The following ASCC3 variants were observed in gnomAD, a reference collection of about 807,000 sequenced individuals.
The protein encoded by ASCC3 is activating signal cointegrator 1 complex subunit 3.
A neutral mutation model predicts 256.3 loss-of-function variants in ASCC3; 158 were observed. The ratio of observed to expected loss-of-function variants is 0.62; its 90% CI spans 0.54 to 0.70. The LOEUF (loss-of-function observed/expected upper bound fraction) is 0.70. ASCC3 is among the 30% of genes least tolerant of loss of function. The pLI is 0.00. For synonymous variants in ASCC3, 948 were observed against 883.4 expected (o/e 1.07, Z -1.30); for missense variants, 2,259 against 2,626.0 (o/e 0.86, Z 3.05).
At chr6:100,719,549 A>C (rs1779227205) in intron 11 of ASCC3, among the ~76,000 whole-genome samples, 1 of 152,110 alleles carries the variant, frequency 6.6e-6, no homozygotes, top group Non-Finnish European at 1.5e-5. Context: ...TCTGCTAAAA[A>C]TCCACTTTAA....
intron 36 of ASCC3, among the ~76,000 whole-genome samples, chr6:100,552,645 T>C (rs868013458): frequency 3.9e-5 from 6 of 152,060 alleles, no homozygotes; most frequent in African/African-American, 1.4e-4. Flanking sequence ...AGAAATATGC[T>C]CTTTCCAGTG....
At chr6:100,871,192 T>C (rs1773724029) in intron 1 of ASCC3, among the ~76,000 whole-genome samples, 1 of 151,936 alleles carries the variant, frequency 6.6e-6, no homozygotes, top group Non-Finnish European at 1.5e-5. Flanking sequence ...ACCTCCCAGA[T>C]TCAAGCAATT....
intron 36 of ASCC3, among the ~76,000 whole-genome samples, chr6:100,585,758 G>A (rs1162591556): frequency 1.3e-5 from 2 of 152,072 alleles, no homozygotes; most frequent in Non-Finnish European, 2.9e-5. Flanking sequence ...ATAGGTTTTT[G>A]GTATGGATGT....
chr6:100,574,737 T>C (rs775931052), intron 36 of ASCC3, among the ~76,000 whole-genome samples: 2 of 151,736 alleles, frequency 1.3e-5, no homozygotes, highest in African/African-American at 2.4e-5. Flanking sequence ...CCAGATAGTA[T>C]TACAAATACA....
At chr6:100,690,187 A>G (rs1777778805) in intron 13 of ASCC3, among the ~76,000 whole-genome samples, 3 of 152,158 alleles carry the variant, frequency 2.0e-5, no homozygotes, top group Non-Finnish European at 4.4e-5. Context: ...TTTATATCAT[A>G]TCTTGATAAT....
intron 4 of ASCC3, among the ~76,000 whole-genome samples, chr6:100,842,914 A>G (rs900991387): frequency 9.2e-5 from 14 of 152,110 alleles, no homozygotes; most frequent in African/African-American, 2.9e-4. Context: ...GTTACAGGTT[A>G]TAGTAAACTA....
intron 37 of ASCC3, 70 bp from the exon 38 acceptor site, chr6:100,518,212 T>C: frequency 1.3e-6 from 2 of 1,548,948 alleles, no homozygotes; most frequent in Non-Finnish European, 1.8e-6. Flanking sequence ...GGGATTCTGA[T>C]GTTAGCTTTA....
At chr6:100,531,804 C>G (rs563442531) in intron 37 of ASCC3, among the ~76,000 whole-genome samples, 1 of 151,928 alleles carries the variant, frequency 6.6e-6, no homozygotes, top group Non-Finnish European at 1.5e-5. Flanking sequence ...AGAAAATGCC[C>G]GCATAATGTA....
chr6:100,592,376 T>C (rs1772047340), intron 34 of ASCC3, among the ~76,000 whole-genome samples: 1 of 151,994 alleles, frequency 6.6e-6, no homozygotes, highest in African/African-American at 2.4e-5. Context: ...TTCAAGTAAA[T>C]TGAACTTCAC....
chr6:100,559,530 G>A (rs889937596), intron 36 of ASCC3, among the ~76,000 whole-genome samples: 3 of 152,118 alleles, frequency 2.0e-5, no homozygotes, highest in African/African-American at 7.2e-5. Flanking sequence ...ATAATCCTAA[G>A]GAGACAATAG....
chr6:100,714,708 C>G (rs1779009116), intron 13 of ASCC3, among the ~76,000 whole-genome samples: 1 of 151,984 alleles, frequency 6.6e-6, no homozygotes, highest in South Asian at 2.1e-4. Flanking sequence ...TTCTTAAAAC[C>G]AAGCACAATC....
intron 10 of ASCC3, among the ~76,000 whole-genome samples, chr6:100,755,431 C>A (rs1015764046): frequency 6.6e-6 from 1 of 151,542 alleles, no homozygotes; most frequent in Non-Finnish European, 1.5e-5. Flanking sequence ...GCAGTGGCAC[C>A]ACCACGCTCA....
chr6:100,655,161 T>C (rs1467847235), intron 17 of ASCC3, among the ~76,000 whole-genome samples: 2 of 151,912 alleles, frequency 1.3e-5, no homozygotes, highest in African/African-American at 4.8e-5. Context: ...CACACAATTG[T>C]GAAGTTCATA....
At chr6:100,576,864 A>C (rs912131757) in intron 36 of ASCC3, among the ~76,000 whole-genome samples, 3 of 151,948 alleles carry the variant, frequency 2.0e-5, no homozygotes, top group Admixed American at 1.3e-4. Context: ...GCTTCAAGGA[A>C]AGAAGAATAA....
chr6:100,578,717 G>A (rs1347595854), intron 36 of ASCC3, among the ~76,000 whole-genome samples: 1 of 152,032 alleles, frequency 6.6e-6, no homozygotes, highest in Non-Finnish European at 1.5e-5. Context: ...GAATAGCACT[G>A]CAATAAACAT....
In ASCC3 at chr6:100,661,855, G is replaced by C. The variant is rs1339685644; in HGVS notation, c.2654C>G (p.Pro885Arg). Residue 885 changes from proline (P) to arginine (R), a missense_variant, in exon 16 of 42, where the codon CCA becomes CGA. Transcript: ENST00000369162. ...HYLTLLTQRNPIESQFLESLA... is the reference protein window; with the variant it reads ...HYLTLLTQRNRIESQFLESLA... The stretch of plus-strand genomic sequence containing the variant: ...GCTTTCCAGAAACTGACTCTCAATT[G>C]GGTTTCGTTGAGTGAGCAAAGTGAG... 10 of 1,613,198 alleles carry C rather than the reference G, an allele frequency of 6.2e-6. No homozygotes were observed. The highest frequency in any genetic ancestry group is 8.5e-6 in the Non-Finnish European group (10 of 1,179,408).
rs1773083530 is a variant in ASCC3 at position 100,608,205 on chromosome 6, ATATACTTTATATATATACTTTATATACTT to A, written c.4786-1146_4786-1118del. Among the ~76,000 whole-genome samples the A allele has an allele frequency of 6.1e-5, 3 of 48,876 alleles. 1 individual carries two copies. The highest frequency in any genetic ancestry group is 1.5e-3 in the East Asian group (2 of 1,360). The allele number at this position is 48,876 out of a possible 152,430, so 32.1% of individuals were successfully genotyped here. ...GTGTGTGTATATATATACTTTATAT[ATATACTTTATATATATACTTTATATACTT>A]TATACTTTATATATATACTTTATAT... On this transcript the variant is annotated intron_variant, in intron 30 of 41. Transcript: ENST00000369162.
chr6:100,703,550 T>C (rs1276313116), intron 13 of ASCC3, among the ~76,000 whole-genome samples: 2 of 152,036 alleles, frequency 1.3e-5, no homozygotes, highest in Non-Finnish European at 2.9e-5. Context: ...TAAGAAATTA[T>C]TGCTTTTGAA....
At chr6:100,777,228 CAT>C (rs1439029101) in intron 8 of ASCC3, among the ~76,000 whole-genome samples, 22 of 152,110 alleles carry the variant, frequency 1.4e-4, no homozygotes, top group African/African-American at 5.1e-4. Context: ...GACTACTTTA[CAT>C]GTGTGTGTAT....
Sources: gnomAD v4.1 joint callset for allele counts (sites outside exome capture counted in the v4.1 genomes callset) on GRCh38, gnomAD v4.1.1 for gene constraint, MANE v1.5 for transcripts, NCBI Gene and HGNC (gene_info 2026-07-23, HGNC 2026-07-21) for gene names.